Variants in GRID2 observed in about 807,000 individuals in gnomAD.
GRID2 encodes glutamate ionotropic receptor delta type subunit 2.
In GRID2, 33 loss-of-function variants were observed where a neutral mutation model predicts 114.8. The observed-to-expected ratio is 0.29, with a 90% confidence interval of 0.22 to 0.38. GRID2 has a LOEUF of 0.38. GRID2 is among the 10% of genes least tolerant of loss of function. The pLI is 1.00. For missense variants in GRID2, 1,184 were observed against 1,257.7 expected (o/e 0.94, Z 0.89); for synonymous variants, 505 against 449.9 (o/e 1.12, Z -1.55).
intron 2 of GRID2, among the ~76,000 whole-genome samples, chr4:92,815,158 A>C (rs1000805788): frequency 1.3e-5 from 2 of 152,104 alleles, no homozygotes; most frequent in African/African-American, 4.8e-5. Flanking sequence ...AAAATCTCAA[A>C]TAAATATTAC....
At chr4:93,388,388 T>A (rs752056029) in intron 8 of GRID2, among the ~76,000 whole-genome samples, 24 of 152,166 alleles carry the variant, frequency 1.6e-4, no homozygotes, top group Non-Finnish European at 2.9e-4. Flanking sequence ...TTCATTGGCA[T>A]GGGGTGTGGC....
At chr4:93,732,196 T>C (rs1578687578) in intron 14 of GRID2, among the ~76,000 whole-genome samples, 1 of 152,118 alleles carries the variant, frequency 6.6e-6, no homozygotes, top group African/African-American at 2.4e-5. Flanking sequence ...ATCCATAGCA[T>C]AGTGAGGCCT....
At chr4:93,139,920 G>T (rs1735605251) in intron 4 of GRID2, among the ~76,000 whole-genome samples, 1 of 152,102 alleles carries the variant, frequency 6.6e-6, no homozygotes, top group South Asian at 2.1e-4. Context: ...CCTTCTTGGG[G>T]TGATCAAGAA....
chr4:92,494,217 G>T (rs1333145387), intron 1 of GRID2, among the ~76,000 whole-genome samples: 1 of 151,730 alleles, frequency 6.6e-6, no homozygotes, highest in African/African-American at 2.4e-5. Context: ...GTGGAACTTG[G>T]TTTTTTTGTT....
At chr4:92,729,863 T>G (rs150605738) in intron 2 of GRID2, among the ~76,000 whole-genome samples, 20 of 152,086 alleles carry the variant, frequency 1.3e-4, no homozygotes, top group African/African-American at 3.4e-4. Flanking sequence ...ATGCCATTGT[T>G]TTGGGTTTCC....
chr4:92,535,950 G>A (rs1653790464), intron 1 of GRID2, among the ~76,000 whole-genome samples: 1 of 152,108 alleles, frequency 6.6e-6, no homozygotes, highest in African/African-American at 2.4e-5. Flanking sequence ...GGTCTCACTG[G>A]CTTCAGGAGA....
intron 13 of GRID2, among the ~76,000 whole-genome samples, chr4:93,575,387 G>A (rs551951797): frequency 6.6e-6 from 1 of 152,124 alleles, no homozygotes; most frequent in Middle Eastern, 3.4e-3. Flanking sequence ...ATTTTCTAGT[G>A]GCAAGGACTC....
intron 2 of GRID2, among the ~76,000 whole-genome samples, chr4:92,881,581 A>T (rs1746015238): frequency 6.6e-6 from 1 of 152,228 alleles, no homozygotes; most frequent in Non-Finnish European, 1.5e-5. Flanking sequence ...ATGATTTTAT[A>T]GTTGTCAATA....
chr4:92,421,931 A>G (rs1469238743), intron 1 of GRID2, among the ~76,000 whole-genome samples: 1 of 152,128 alleles, frequency 6.6e-6, no homozygotes, highest in Non-Finnish European at 1.5e-5. Flanking sequence ...TTGCAGTTAC[A>G]TTCTAGTGGT....
chr4:92,597,723 A>G (rs1350524110), intron 2 of GRID2, among the ~76,000 whole-genome samples: 3 of 152,158 alleles, frequency 2.0e-5, no homozygotes, highest in Non-Finnish European at 2.9e-5. Flanking sequence ...AACATAATTC[A>G]CTTTTAATCA....
chr4:92,815,652 C>G (rs1740856203), intron 2 of GRID2, among the ~76,000 whole-genome samples: 1 of 151,796 alleles, frequency 6.6e-6, no homozygotes, highest in Admixed American at 6.6e-5. Context: ...GTGGCTCATA[C>G]CTGTAATCTC....
At chr4:93,608,756 G>C (rs1197932727) in intron 13 of GRID2, among the ~76,000 whole-genome samples, 2 of 131,428 alleles carry the variant, frequency 1.5e-5, no homozygotes, top group East Asian at 2.1e-4. Flanking sequence ...ATTGTGAACA[G>C]TGCCGCAATA....
At chr4:93,626,479 G>T (rs757418225) in intron 14 of GRID2, 44 bp downstream of exon 14, 20 of 1,292,274 alleles carry the variant, frequency 1.5e-5, no homozygotes, top group Non-Finnish European at 2.2e-5. Flanking sequence ...ATGAAATTTA[G>T]ACAAAGAATA....
At chr4:93,274,596 T>C (rs1260629834) in intron 8 of GRID2, among the ~76,000 whole-genome samples, 1 of 152,092 alleles carries the variant, frequency 6.6e-6, no homozygotes, top group Non-Finnish European at 1.5e-5. Context: ...AAAATGCTCA[T>C]AGACACTTAA....
chr4:93,018,823 A>C (rs1307222410), intron 2 of GRID2, among the ~76,000 whole-genome samples: 1 of 152,076 alleles, frequency 6.6e-6, no homozygotes, highest in Non-Finnish European at 1.5e-5. Context: ...AAAAGCTAAA[A>C]CTCCTAGTAA....
intron 2 of GRID2, among the ~76,000 whole-genome samples, chr4:92,772,964 T>C (rs948615134): frequency 1.9e-4 from 29 of 152,346 alleles, no homozygotes; most frequent in Non-Finnish European, 4.3e-4. Context: ...CTGGATATTT[T>C]ACATGCTCTG....
At position 93,014,278 on chromosome 4, in the gene GRID2, A is replaced by G. The variant is rs569104955; in HGVS notation, c.245-70717A>G. On this transcript the variant is annotated intron_variant, in intron 2 of 15. Coordinates refer to ENST00000282020, the MANE Select transcript of GRID2 (RefSeq NM_001510.4). ...CAGAAGCCCTACCTCTAATGCCATCATCTTCAGGAATACTATTTCAAAATA... is the reference window on the plus strand; with the variant it reads ...CAGAAGCCCTACCTCTAATGCCATCGTCTTCAGGAATACTATTTCAAAATA... 1.4e-3 allele frequency among the ~76,000 whole-genome samples: 210 copies of G among 152,260 alleles called. 1 individual carries two copies. The highest frequency in any genetic ancestry group is 4.7e-3 in the African/African-American group (196 of 41,574).
In GRID2 at chr4:92,883,157, A is replaced by G. The variant is rs556320525; in HGVS notation, c.245-201838A>G. Among the ~76,000 whole-genome samples, 11 of 152,266 alleles carry G rather than the reference A, an allele frequency of 7.2e-5. No homozygotes were observed. In the East Asian group the frequency reaches 2.1e-3, roughly 29 times the overall value. On this transcript the variant is annotated intron_variant, in intron 2 of 15. Transcript: ENST00000282020. ...ATTTATGTAATATTTGAAATCCTCTATTGTCATTTCAACAAGATTTATAGC... is the reference window on the plus strand; with the variant it reads ...ATTTATGTAATATTTGAAATCCTCTGTTGTCATTTCAACAAGATTTATAGC...
chr4:92,965,840 A>T (rs1025670302), intron 2 of GRID2, among the ~76,000 whole-genome samples: 2 of 151,832 alleles, frequency 1.3e-5, no homozygotes, highest in African/African-American at 4.8e-5. Context: ...TCTTATTCTG[A>T]TTTGCTGACT....
Sources: allele counts gnomAD v4.1 joint callset (sites outside exome capture counted in the v4.1 genomes callset), GRCh38; gene constraint gnomAD v4.1.1; transcripts MANE v1.5; gene names NCBI Gene and HGNC (gene_info 2026-07-23, HGNC 2026-07-21).